ABCA9: variants seen among roughly 807,000 people sequenced by gnomAD.
The protein encoded by ABCA9 is ATP binding cassette subfamily A member 9.
In ABCA9, 183 loss-of-function variants were observed where a neutral mutation model predicts 205.3. The observed-to-expected ratio is 0.89, with a 90% CI of 0.79 to 1.01. ABCA9 has a LOEUF of 1.01. Among genes scored for constraint, ABCA9 ranks in the 50% least tolerant of loss-of-function variants. The pLI is 0.00. For missense variants in ABCA9, 1,805 were observed against 1,912.4 expected, an observed-to-expected ratio of 0.94 and a Z score of 1.05; for synonymous variants, 651 against 683.3, an observed-to-expected ratio of 0.95 and a Z score of 0.74.
chr17:68,985,955 G>GA (rs11387435), intron 32 of ABCA9, among the ~76,000 whole-genome samples: 8,183 of 151,936 alleles, frequency 0.054, 495 homozygotes, highest in African/African-American at 0.15. Flanking sequence ...AAAAAAAAAG[G>GA]AAAAAAGAAA....
At position 68,989,256 on chromosome 17, in the gene ABCA9, TCACACACA is replaced by T. The variant is rs71293542; in HGVS notation, c.3956-146_3956-139del. Reference sequence around the variant, plus strand: ...TTTCCCTTATTCCTCTCTCTCTCTCTCACACACACACACACACACACACACACACACAC... The same window carrying T: ...TTTCCCTTATTCCTCTCTCTCTCTCTCACACACACACACACACACACACAC... On this transcript the variant is annotated intron_variant, in intron 30 of 38. Coordinates refer to ENST00000340001, the MANE Select transcript of ABCA9 (RefSeq NM_080283.4). 4.2e-3 allele frequency: 1,010 copies of T among 242,962 alleles called. 8 individuals carry two copies. Among genetic ancestry groups the T allele is most frequent in the South Asian group, 6.0e-3 (78 of 12,936 alleles). The allele number at this position is 242,962 out of a possible 1,614,324, so 15.1% of individuals were successfully genotyped here.
chr17:69,019,198 G>A (rs1555633037), intron 19 of ABCA9, among the ~76,000 whole-genome samples: 2 of 151,522 alleles, frequency 1.3e-5, no homozygotes, highest in Admixed American at 1.3e-4. Context: ...TGTTTTCATT[G>A]TCTCCATATT....
intron 37 of ABCA9, among the ~76,000 whole-genome samples, chr17:68,981,575 G>C (rs1295067239): frequency 6.6e-6 from 1 of 152,038 alleles, no homozygotes; most frequent in Admixed American, 6.5e-5. Context: ...ATGAGAAAGT[G>C]AAACAAAAAC....
chr17:68,980,760 G>A (rs2069025151), intron 37 of ABCA9, among the ~76,000 whole-genome samples: 1 of 122,404 alleles, frequency 8.2e-6, no homozygotes, highest in Admixed American at 9.4e-5. Context: ...ACCAAGGCCT[G>A]TTGTGGGGTG....
At chr17:69,017,452 A>G (rs1340236229) in intron 21 of ABCA9, among the ~76,000 whole-genome samples, 1 of 152,170 alleles carries the variant, frequency 6.6e-6, no homozygotes, top group Non-Finnish European at 1.5e-5. Context: ...CAACTTAATC[A>G]GGAATAAAAT....
chr17:69,036,871 CAAAAAA>C (rs781565554), intron 6 of ABCA9, among the ~76,000 whole-genome samples: 6 of 4,712 alleles, frequency 1.3e-3, no homozygotes, highest in Non-Finnish European at 1.7e-3. Context: ...AAATGGAAAG[CAAAAAA>C]AAAAAAAAAA....
At chr17:69,076,010 T>C in the ABCA9 span, among the ~76,000 whole-genome samples, 1 of 152,254 alleles carries the variant, frequency 6.6e-6, no homozygotes, top group Non-Finnish European at 1.5e-5. Context: ...ATACTTTCTA[T>C]TTCCTTTTCT....
At chr17:68,989,159 CA>C in intron 30 of ABCA9, 41 bp from the exon 31 acceptor site, 1 of 1,325,364 alleles carries the variant, frequency 7.5e-7, no homozygotes, top group Non-Finnish European at 1.1e-6. Flanking sequence ...CAAATAATTG[CA>C]ACAAAAATAA....
intron 25 of ABCA9, 39 bp downstream of exon 25, chr17:69,007,720 G>T: frequency 7.8e-7 from 1 of 1,281,026 alleles, no homozygotes; most frequent in East Asian, 2.3e-5. Context: ...TTGGATTTAT[G>T]AAAAATGGTA....
Position 68,984,146 on chromosome 17 carries a change from G to A in ABCA9, c.4409C>T (p.Thr1470Met), listed in dbSNP as rs146348192. The change falls in exon 35 of 39, where the codon ACG becomes ATG. Residue 1470 changes from threonine (T) to methionine (M), a missense_variant. Coordinates refer to ENST00000340001, the MANE Select transcript of ABCA9 (RefSeq NM_080283.4). ...WQVIRATFRN[T>M]ERGALLTTHY... ...GGTGGTCAGGAGGGCGCCCCTCTCCGTGTTTCTAAAGGTGGCCCGAATCAC... is the reference window on the plus strand; with the variant it reads ...GGTGGTCAGGAGGGCGCCCCTCTCCATGTTTCTAAAGGTGGCCCGAATCAC... The A allele has an allele frequency of 5.8e-5, 94 of 1,613,996 alleles. No individual in the cohort carries two copies. Among genetic ancestry groups the A allele is most frequent in the Middle Eastern group, 1.6e-4 (1 of 6,084 alleles).
intron 16 of ABCA9, among the ~76,000 whole-genome samples, chr17:69,025,679 A>AT (rs1018913537): frequency 5.3e-5 from 8 of 152,286 alleles, no homozygotes; most frequent in African/African-American, 1.9e-4. Context: ...GATTTGAATC[A>AT]TTTTTTAAAA....
chr17:69,027,242 T>C, intron 14 of ABCA9, 88 bp downstream of exon 14: 1 of 1,562,532 alleles, frequency 6.4e-7, no homozygotes, highest in Non-Finnish European at 8.7e-7. Flanking sequence ...AAAGTTCTCT[T>C]ACATTTATCA....
At chr17:69,074,626 GTAC>G in the ABCA9 span, among the ~76,000 whole-genome samples, 1,296 of 152,154 alleles carry the variant, frequency 8.5e-3, 13 homozygotes, top group African/African-American at 0.03. Context: ...GGGTATATAT[GTAC>G]TACATTTCCT....
chr17:68,979,807 G>A (rs1279123404), intron 37 of ABCA9, among the ~76,000 whole-genome samples: 1 of 152,146 alleles, frequency 6.6e-6, no homozygotes, highest in Admixed American at 6.6e-5. Context: ...AGACTTAAAT[G>A]TTAGACCTAA....
chr17:69,021,024 T>C (rs907985310), intron 18 of ABCA9, among the ~76,000 whole-genome samples: 5 of 152,068 alleles, frequency 3.3e-5, no homozygotes, highest in African/African-American at 1.2e-4. Context: ...AAAAGCAAGA[T>C]AAAAGTTACC....
rs556916985 is a variant in ABCA9 at position 69,022,780 on chromosome 17, G to T, written c.2282-919C>A. ...CTTCTGACCATGGTGTGAAAATTCA[G>T]GAAAACTGAAAGGTGGATAAAAGAT... On this transcript the variant is annotated intron_variant, in intron 17 of 38. Coordinates refer to ENST00000340001, the MANE Select transcript of ABCA9 (RefSeq NM_080283.4). 2.6e-5 allele frequency among the ~76,000 whole-genome samples: 4 copies of T among 152,174 alleles called. No homozygotes were observed. The South Asian group carries it at 8.3e-4, about 32-fold the overall frequency.
At chr17:69,051,578 G>C (rs909144400) in intron 1 of ABCA9, 8 of 166,970 alleles carry the variant, frequency 4.8e-5, no homozygotes, top group African/African-American at 1.9e-4. Context: ...AGCCCATGGA[G>C]ATTCTCACAT....
chr17:69,020,661 T>C, intron 18 of ABCA9, 75 bp from the exon 19 acceptor site: 2 of 1,424,548 alleles, frequency 1.4e-6, no homozygotes, highest in Non-Finnish European at 1.9e-6. Flanking sequence ...TGATAAATTT[T>C]CCTACAAAGG....
At chr17:68,991,196 G>A (rs2144033073) in intron 28 of ABCA9, among the ~76,000 whole-genome samples, 1 of 152,216 alleles carries the variant, frequency 6.6e-6, no homozygotes, top group Non-Finnish European at 1.5e-5. Flanking sequence ...CCTGTTGATG[G>A]TGACAGTTTT....
Sources: allele counts gnomAD v4.1 joint callset (sites outside exome capture counted in the v4.1 genomes callset), GRCh38; gene constraint gnomAD v4.1.1; transcripts MANE v1.5; gene names NCBI Gene and HGNC (gene_info 2026-07-23, HGNC 2026-07-21).